Variants in SND1 observed in about 807,000 individuals in gnomAD.
SND1 encodes staphylococcal nuclease and tudor domain containing 1.
A neutral mutation model predicts 121.7 loss-of-function variants in SND1; 38 were observed. The observed-to-expected ratio is 0.31, with a 90% CI of 0.24 to 0.41. SND1 has a LOEUF of 0.41. SND1 is among the 10% of genes least tolerant of loss of function. The probability of loss-of-function intolerance (pLI) is 1.00; values close to 1 mark genes in which losing one functional copy is unlikely to be tolerated. For synonymous variants in SND1, 401 were observed against 447.4 expected (o/e 0.90, Z 1.31); for missense variants, 868 against 1,184.6 (o/e 0.73, Z 3.92).
intron 11 of SND1, among the ~76,000 whole-genome samples, chr7:127,835,057 G>A (rs1359202707): frequency 6.6e-6 from 1 of 152,178 alleles, no homozygotes; most frequent in Admixed American, 6.5e-5. Flanking sequence ...TTATTGATTA[G>A]ATTTCCCTGG....
chr7:128,062,594 C>T (rs562873722), intron 16 of SND1, among the ~76,000 whole-genome samples: 2 of 152,314 alleles, frequency 1.3e-5, no homozygotes, highest in Admixed American at 1.3e-4. Context: ...ATAGAATTAT[C>T]TCTGTTCAGT....
chr7:128,035,474 G>A (rs1191916208), intron 16 of SND1, among the ~76,000 whole-genome samples: 1 of 152,204 alleles, frequency 6.6e-6, no homozygotes, highest in Non-Finnish European at 1.5e-5. Flanking sequence ...AACTAAAGTG[G>A]ACCTTGGAGA....
chr7:127,906,490 T>G (rs187054845), intron 14 of SND1, among the ~76,000 whole-genome samples: 69 of 152,268 alleles, frequency 4.5e-4, no homozygotes, highest in Admixed American at 1.0e-3. Flanking sequence ...AAAGGGCAAA[T>G]TTTTGGTGGT....
In SND1 at chr7:127,902,752, T is replaced by C. The variant is rs1240386432; in HGVS notation, c.1455-1995T>C. On this transcript the variant is annotated intron_variant, in intron 13 of 23. Transcript: ENST00000354725. ...TTTTTTTTGAGACAAAGTCTTGCTC[T>C]TTCGCCCAGGTTAGAGTGCAGTGGA... Among the ~76,000 whole-genome samples, 4 of 152,110 alleles carry C rather than the reference T, an allele frequency of 2.6e-5. No individual in the cohort carries two copies. The East Asian group carries it at 7.7e-4, about 29-fold the overall frequency.
intron 10 of SND1, among the ~76,000 whole-genome samples, chr7:127,747,410 T>G (rs1797000935): frequency 6.6e-6 from 1 of 152,198 alleles, no homozygotes; most frequent in African/African-American, 2.4e-5. Context: ...CTTTATATTG[T>G]TTTTATTCAA....
chr7:128,011,020 T>C (rs1230923582), intron 16 of SND1, among the ~76,000 whole-genome samples: 1 of 152,144 alleles, frequency 6.6e-6, no homozygotes, highest in Non-Finnish European at 1.5e-5. Context: ...GTTATTTTTT[T>C]AATGAAATAA....
chr7:127,748,347 C>T (rs571843090), intron 10 of SND1, among the ~76,000 whole-genome samples: 1 of 152,312 alleles, frequency 6.6e-6, no homozygotes, highest in Non-Finnish European at 1.5e-5. Context: ...CCTTTCAGAA[C>T]ACGCTCATCC....
intron 10 of SND1, among the ~76,000 whole-genome samples, chr7:127,757,012 AT>A (rs1456009560): frequency 6.6e-6 from 1 of 152,198 alleles, no homozygotes; most frequent in Non-Finnish European, 1.5e-5. Flanking sequence ...AAATATATAT[AT>A]CTATATGCAT....
chr7:127,684,752 C>G (rs1269264356), intron 1 of SND1, among the ~76,000 whole-genome samples: 1 of 152,076 alleles, frequency 6.6e-6, no homozygotes, highest in African/African-American at 2.4e-5. Flanking sequence ...GTGCCTGTAA[C>G]TGGATTAGGA....
At chr7:127,808,001 T>A (rs1798266623) in intron 11 of SND1, among the ~76,000 whole-genome samples, 1 of 152,092 alleles carries the variant, frequency 6.6e-6, no homozygotes. Flanking sequence ...GGGGATGACC[T>A]GGACTAAGAG....
At chr7:127,894,420 T>TC (rs1800077908) in intron 13 of SND1, among the ~76,000 whole-genome samples, 1 of 151,838 alleles carries the variant, frequency 6.6e-6, no homozygotes, top group African/African-American at 2.4e-5. Flanking sequence ...TGTTGACTGG[T>TC]CCTTCATATC....
chr7:128,045,651 G>C (rs1380584321), intron 16 of SND1, among the ~76,000 whole-genome samples: 2 of 152,194 alleles, frequency 1.3e-5, no homozygotes, highest in Non-Finnish European at 2.9e-5. Flanking sequence ...TAAATAATCA[G>C]ATTTATCATC....
intron 15 of SND1, among the ~76,000 whole-genome samples, chr7:127,976,078 T>A (rs1436991518): frequency 6.6e-6 from 1 of 152,166 alleles, no homozygotes; most frequent in African/African-American, 2.4e-5. Flanking sequence ...TTTCCTTGGG[T>A]GAGTGAGCAC....
At chr7:127,921,561 T>G (rs1341526898) in intron 14 of SND1, among the ~76,000 whole-genome samples, 3 of 152,326 alleles carry the variant, frequency 2.0e-5, no homozygotes, top group South Asian at 2.1e-4. Context: ...TTTTATTGTG[T>G]TGTTGTATAT....
chr7:127,865,881 T>C (rs1563040607), intron 12 of SND1, among the ~76,000 whole-genome samples: 1 of 151,970 alleles, frequency 6.6e-6, no homozygotes, highest in Non-Finnish European at 1.5e-5. Context: ...CATCTACCCT[T>C]TGTATGCTGA....
At position 128,029,716 on chromosome 7, in the gene SND1, G is replaced by T. The variant is rs749583832; in HGVS notation, c.1779+38660G>T. The stretch of plus-strand genomic sequence containing the variant: ...TCTCGAAGCCACCAGGCTAGCCACA[G>T]AATGTCACAATCACAGTTCCAAGGG... On this transcript the variant is annotated intron_variant, in intron 16 of 23. Transcript: ENST00000354725. The surrounding 1 kb of genome is among the most constrained non-coding windows in gnomAD (Gnocchi z 4.2). The T allele has an allele frequency of 4.3e-6, 7 of 1,614,030 alleles. No individual in the cohort carries two copies. The highest frequency in any genetic ancestry group is 5.9e-6 in the Non-Finnish European group (7 of 1,180,048).
At chr7:127,689,901 C>G (rs1057493390) in intron 2 of SND1, among the ~76,000 whole-genome samples, 2 of 151,698 alleles carry the variant, frequency 1.3e-5, no homozygotes, top group Non-Finnish European at 2.9e-5. Flanking sequence ...ATTGAAAAAC[C>G]TGATTTCCCT....
chr7:127,681,171 T>C (rs1795719978), intron 1 of SND1, among the ~76,000 whole-genome samples: 2 of 152,224 alleles, frequency 1.3e-5, no homozygotes. Context: ...TTATTGCCTG[T>C]CTTATTGATT....
At chr7:127,870,259 A>G (rs1181839471) in intron 12 of SND1, among the ~76,000 whole-genome samples, 1 of 152,142 alleles carries the variant, frequency 6.6e-6, no homozygotes, top group Non-Finnish European at 1.5e-5. Context: ...TCCTTAGTAT[A>G]TTGTCAAGCT....
Sources: gnomAD v4.1 joint callset for allele counts (sites outside exome capture counted in the v4.1 genomes callset) on GRCh38, gnomAD v4.1.1 for gene constraint, Gnocchi (gnomAD v3.1) non-coding constraint, MANE v1.5 for transcripts, NCBI Gene and HGNC (gene_info 2026-07-23, HGNC 2026-07-21) for gene names.